The following PPP3CA variants were observed in gnomAD, a reference collection of about 807,000 sequenced individuals.
PPP3CA encodes the protein protein phosphatase 3 catalytic subunit alpha.
Under a neutral mutation model 66.5 loss-of-function variants are expected in PPP3CA, and 14 were observed. That is an observed-to-expected ratio of 0.21 (90% CI 0.14 to 0.33). PPP3CA has a LOEUF of 0.33. Among genes scored for constraint, PPP3CA ranks in the 10% least tolerant of loss-of-function variants. PPP3CA has a pLI of 1.00. For synonymous variants in PPP3CA, 232 were observed against 226.2 expected (o/e 1.03, Z -0.23); for missense variants, 317 against 639.5 (o/e 0.50, Z 5.44).
At chr4:101,189,680 T>C (rs557880786) in intron 2 of PPP3CA, among the ~76,000 whole-genome samples, 2 of 109,828 alleles carry the variant, frequency 1.8e-5, no homozygotes, top group Non-Finnish European at 1.6e-5. Context: ...TTTATGATAG[T>C]GAACGGCAAA....
In PPP3CA at chr4:101,337,258, G is replaced by C. The variant is rs149827692; in HGVS notation, c.58+9481C>G. On this transcript the variant is annotated intron_variant, in intron 1 of 13. Coordinates refer to ENST00000394854, the MANE Select transcript of PPP3CA (RefSeq NM_000944.5). ...ATATTTTCTCTTCTTTAGTTGACTG[G>C]GGTGATGAACAACTTCTGAGTATGA... 2.2e-4 allele frequency among the ~76,000 whole-genome samples: 34 copies of C among 152,004 alleles called. 1 individual carries two copies. The highest frequency in any genetic ancestry group is 7.0e-4 in the African/African-American group (29 of 41,444).
chr4:101,185,639 T>C (rs1724386451), intron 2 of PPP3CA, among the ~76,000 whole-genome samples: 3 of 152,146 alleles, frequency 2.0e-5, no homozygotes, highest in Non-Finnish European at 4.4e-5. Context: ...TAAACATGGG[T>C]GTCAATTAGA....
intron 1 of PPP3CA, among the ~76,000 whole-genome samples, chr4:101,214,811 T>C (rs115965429): frequency 0.013 from 2,016 of 152,242 alleles, 35 homozygotes; most frequent in African/African-American, 0.046. Flanking sequence ...AAAGTCTTAT[T>C]TTGATAAGCT....
chr4:101,107,908 C>T (rs985771712), intron 3 of PPP3CA, among the ~76,000 whole-genome samples: 18 of 152,036 alleles, frequency 1.2e-4, no homozygotes, highest in African/African-American at 4.3e-4. Context: ...CTTTTGATAG[C>T]CCATGTCAGC....
chr4:101,307,930 G>A (rs1560710079), intron 1 of PPP3CA, among the ~76,000 whole-genome samples: 1 of 152,128 alleles, frequency 6.6e-6, no homozygotes, highest in Admixed American at 6.5e-5. Context: ...TCCACTTCAC[G>A]ATTTGAATCC....
rs56681112 is a variant in PPP3CA at position 101,285,599 on chromosome 4, ATGTGTGTGTGTGTGTGTGTGTGTGTGTG to A, written c.58+61112_58+61139del. ...TTCCCTTTCAAATGCCACTGTGTGT[ATGTGTGTGTGTGTGTGTGTGTGTGTGTG>A]TGTGTGTGTGTGTGTGTGTGTGTGT... On this transcript the variant is annotated intron_variant, in intron 1 of 13. Transcript: ENST00000394854. Among the ~76,000 whole-genome samples the A allele has an allele frequency of 5.0e-4, 62 of 124,594 alleles. 1 individual carries two copies. Among genetic ancestry groups the A allele is most frequent in the East Asian group, 4.3e-3 (18 of 4,156 alleles). The allele number at this position is 124,594 out of a possible 152,430, so 81.7% of individuals were successfully genotyped here.
chr4:101,079,332 A>G (rs1578426287), intron 8 of PPP3CA, among the ~76,000 whole-genome samples: 1 of 147,358 alleles, frequency 6.8e-6, no homozygotes, highest in African/African-American at 2.5e-5. Context: ...GCTATATTTG[A>G]CCTTAGATAT....
chr4:101,077,617 CTT>C (rs1729248521), intron 8 of PPP3CA, among the ~76,000 whole-genome samples: 1 of 152,150 alleles, frequency 6.6e-6, no homozygotes, highest in African/African-American at 2.4e-5. Flanking sequence ...ACATAAAAGT[CTT>C]TTGAAATTTT....
At chr4:101,306,981 G>A (rs1021508878) in intron 1 of PPP3CA, among the ~76,000 whole-genome samples, 1 of 152,080 alleles carries the variant, frequency 6.6e-6, no homozygotes, top group African/African-American at 2.4e-5. Flanking sequence ...AGTATTTATT[G>A]AAGGATTATA....
chr4:101,326,435 C>G (rs2110328406), intron 1 of PPP3CA, among the ~76,000 whole-genome samples: 1 of 152,246 alleles, frequency 6.6e-6, no homozygotes, highest in Non-Finnish European at 1.5e-5. Flanking sequence ...CCAAGTAGGT[C>G]ACATCATAAT....
rs188444709 is a variant in PPP3CA, at chr4:101,052,714, T to C, written c.1156+8373A>G. 1.6e-3 allele frequency among the ~76,000 whole-genome samples: 249 copies of C among 152,178 alleles called. 1 individual carries two copies. The highest frequency in any genetic ancestry group is 6.8e-3 in the Middle Eastern group (2 of 294). On this transcript the variant is annotated intron_variant, in intron 10 of 13. Coordinates refer to ENST00000394854, the MANE Select transcript of PPP3CA (RefSeq NM_000944.5). The stretch of plus-strand genomic sequence containing the variant: ...AATTACATCAGGCAAACTCAGTTAT[T>C]ATAAAAATATAAGAGATGTCAAAAC...
chr4:101,250,724 T>C (rs1484263752), intron 1 of PPP3CA, among the ~76,000 whole-genome samples: 1 of 152,190 alleles, frequency 6.6e-6, no homozygotes, highest in East Asian at 1.9e-4. Context: ...TTTTCCATTC[T>C]ATTCATTAGC....
intron 1 of PPP3CA, among the ~76,000 whole-genome samples, chr4:101,211,306 T>C (rs1725291715): frequency 2.0e-5 from 3 of 152,158 alleles, no homozygotes; most frequent in African/African-American, 7.2e-5. Context: ...TTCTCCAGAT[T>C]TCCCTGAATC....
intron 2 of PPP3CA, among the ~76,000 whole-genome samples, chr4:101,155,895 G>A (rs765636525): frequency 1.8e-4 from 28 of 152,234 alleles, no homozygotes; most frequent in South Asian, 1.2e-3. Context: ...ATATGAATAC[G>A]AATAACAAAG....
chr4:101,229,493 C>A (rs1203780125), intron 1 of PPP3CA, among the ~76,000 whole-genome samples: 1 of 151,682 alleles, frequency 6.6e-6, no homozygotes, highest in African/African-American at 2.4e-5. Context: ...ATGATAGCCT[C>A]TTCTCTCTAA....
intron 1 of PPP3CA, among the ~76,000 whole-genome samples, chr4:101,268,563 T>C (rs1727238916): frequency 6.6e-6 from 1 of 152,136 alleles, no homozygotes; most frequent in Non-Finnish European, 1.5e-5. Flanking sequence ...CAACAATACA[T>C]AGAGTAACAC....
At chr4:101,045,653 C>T (rs994037670) in intron 10 of PPP3CA, among the ~76,000 whole-genome samples, 2 of 152,236 alleles carry the variant, frequency 1.3e-5, no homozygotes, top group African/African-American at 2.4e-5. Flanking sequence ...TTTGAGTAAA[C>T]GCGGAAGATG....
At chr4:101,055,415 A>G (rs1442085390) in intron 10 of PPP3CA, among the ~76,000 whole-genome samples, 2 of 152,142 alleles carry the variant, frequency 1.3e-5, no homozygotes, top group South Asian at 2.1e-4. Flanking sequence ...TCATTTTAAC[A>G]TTCGAAATAA....
At chr4:101,251,560 T>C (rs1156646199) in intron 1 of PPP3CA, among the ~76,000 whole-genome samples, 2 of 152,150 alleles carry the variant, frequency 1.3e-5, no homozygotes, top group African/African-American at 4.8e-5. Context: ...AGACTGTTCG[T>C]TAAATGTCCT....
Sources: gnomAD v4.1 joint callset for allele counts (sites outside exome capture counted in the v4.1 genomes callset) on GRCh38, gnomAD v4.1.1 for gene constraint, MANE v1.5 for transcripts, NCBI Gene and HGNC (gene_info 2026-07-23, HGNC 2026-07-21) for gene names.